Variants in C6orf62 observed in about 807,000 individuals in gnomAD.
The protein encoded by C6orf62 is uncharacterized protein C6orf62.
Under a neutral mutation model 26.8 loss-of-function variants are expected in C6orf62, and 16 were observed. That is an observed-to-expected ratio of 0.60 (90% CI 0.40 to 0.91). The LOEUF is 0.91. Ranked by LOEUF, C6orf62 falls within the 40% of genes least tolerant of loss-of-function variation. The pLI is 0.00. For missense variants in C6orf62, 192 were observed against 271.4 expected (o/e 0.71, Z 2.06); for synonymous variants, 112 against 91.5 (o/e 1.22, Z -1.28).
upstream of C6orf62, chr6:24,719,722 G>T: frequency 6.6e-7 from 1 of 1,514,324 alleles, no homozygotes; most frequent in South Asian, 1.3e-5. Context: ...TGGGGAGTGC[G>T]ATTTATCTTC....
At chr6:24,720,515 A>C, upstream of C6orf62, 3 of 454,962 alleles carry the variant, frequency 6.6e-6, no homozygotes, top group Non-Finnish European at 8.9e-6. Context: ...GAAAAAGAAA[A>C]AGAGGAAAAA....
chr6:24,705,462 A>G lies in C6orf62; in HGVS notation c.*675T>C, dbSNP rs1778989365. 6.6e-6 allele frequency: 1 copy of G among 152,644 alleles called. No individual in the cohort carries two copies. The highest frequency in any genetic ancestry group is 1.5e-5 in the Non-Finnish European group (1 of 68,052). The allele number at this position is 152,644 out of a possible 1,614,324, so 9.5% of individuals were successfully genotyped here. On this transcript the variant is annotated 3_prime_UTR_variant, in exon 5 of 5. Transcript: ENST00000378119. ...TGCTTTAATGTGTATAACTGCATCC[A>G]CACGCAGCAGAATACTCTTACAATA...
At chr6:24,719,464 T>C (rs1358796021), upstream of C6orf62, 4 of 1,087,764 alleles carry the variant, frequency 3.7e-6, no homozygotes, top group South Asian at 7.7e-5. Flanking sequence ...AAAGGAGCCA[T>C]GAGAAAAAAC....
At chr6:24,720,153 G>A (rs1218999608), upstream of C6orf62, 6 of 1,363,880 alleles carry the variant, frequency 4.4e-6, no homozygotes, top group South Asian at 3.6e-5. Flanking sequence ...AATTGAGGCA[G>A]CTAGGGCGGG....
chr6:24,707,390 G>A (rs991068305), intron 4 of C6orf62, among the ~76,000 whole-genome samples: 22 of 150,046 alleles, frequency 1.5e-4, no homozygotes, highest in African/African-American at 2.2e-4. Flanking sequence ...ATGGGGTCTC[G>A]CTGCATTACT....
upstream of C6orf62, chr6:24,719,165 A>AG: frequency 1.0e-6 from 1 of 986,462 alleles, no homozygotes; most frequent in Non-Finnish European, 1.2e-6. Context: ...CAAAAAAAAA[A>AG]AAAAAAAAAA....
upstream of C6orf62, chr6:24,720,468 G>T: frequency 1.1e-6 from 1 of 949,788 alleles, no homozygotes; most frequent in Non-Finnish European, 1.3e-6. Context: ...GGGCGGCAAC[G>T]GAGGGGAAGG....
chr6:24,707,162 ATTAG>A (rs778845961), intron 4 of C6orf62: 14 of 152,352 alleles, frequency 9.2e-5, no homozygotes, highest in African/African-American at 2.2e-4. Flanking sequence ...CTTTACTTGT[ATTAG>A]TTAATTTTAA....
rs111465377 is a variant in C6orf62 at position 24,718,624 on chromosome 6, T to C, written c.45A>G (p.Leu15=). 7,212 of 1,614,088 alleles carry C rather than the reference T, an allele frequency of 4.5e-3. 34 individuals are homozygous for C. The highest frequency in any genetic ancestry group is 4.4e-3 in the Non-Finnish European group (5,181 of 1,179,996). Residue 15 remains leucine, a synonymous_variant, in exon 1 of 5, where the codon CTA becomes CTG. Coordinates refer to ENST00000378119, the MANE Select transcript of C6orf62 (RefSeq NM_030939.5). ...NSRKKQALNR[L]RAQLRKKKES... is the part of the protein sequence containing the mutation. Reference sequence around the variant, plus strand: ...CTTTTTTCTTTCTAAGCTGAGCACGTAGTCTGTTCAGAGCTTGTTTCTTCC... The same window carrying C: ...CTTTTTTCTTTCTAAGCTGAGCACGCAGTCTGTTCAGAGCTTGTTTCTTCC...
At chr6:24,712,503 TACTAAAAATACA>T (rs1316226376) in intron 3 of C6orf62, among the ~76,000 whole-genome samples, 2 of 152,036 alleles carry the variant, frequency 1.3e-5, no homozygotes, top group Admixed American at 6.6e-5. Context: ...AACCCGTCTC[TACTAAAAATACA>T]AAAATTAGCT....
At chr6:24,709,226 C>T (rs376103258) in intron 3 of C6orf62, 1 of 984,698 alleles carries the variant, frequency 1.0e-6, no homozygotes, top group African/African-American at 1.7e-5. Flanking sequence ...TTCTATTGGA[C>T]AGTACACTCC....
upstream of C6orf62, chr6:24,720,323 G>A (rs1315449722): frequency 2.1e-5 from 27 of 1,288,240 alleles, no homozygotes; most frequent in Admixed American, 2.7e-4. Context: ...AGCACGGGCA[G>A]GAGCCATGTC....
At chr6:24,707,278 G>C (rs1193238042) in intron 4 of C6orf62, 2 of 152,094 alleles carry the variant, frequency 1.3e-5, no homozygotes, top group Non-Finnish European at 2.9e-5. Context: ...AGATCATACA[G>C]CCAGCAAGTG....
At chr6:24,710,244 T>C in intron 3 of C6orf62, 3 of 985,026 alleles carry the variant, frequency 3.0e-6, no homozygotes, top group Non-Finnish European at 3.6e-6. Flanking sequence ...CAGAATAAGA[T>C]GTGGTTATCT....
chr6:24,714,453 T>TTA lies in C6orf62; in HGVS notation c.307-14_307-13insTA. 2 of 1,360,722 alleles carry TTA rather than the reference T, an allele frequency of 1.5e-6. No homozygotes were observed. Among genetic ancestry groups the TTA allele is most frequent in the Non-Finnish European group, 9.9e-7 (1 of 1,013,148 alleles). 84.3% of individuals were successfully genotyped at this position (1,360,722 alleles called of 1,614,324 possible). On this transcript the variant is annotated splice_polypyrimidine_tract_variant and intron_variant, in intron 2 of 4. Transcript: ENST00000378119. ...AGCCAATTACATCCTATAAAATGAT[T>TTA]AAAAAAAAAAAAGTTTACTTTTAAA...
chr6:24,709,133 C>T (rs1779071505), intron 3 of C6orf62: 1 of 971,920 alleles, frequency 1.0e-6, no homozygotes, highest in African/African-American at 1.8e-5. Flanking sequence ...AGCCACATTT[C>T]AAATGCTCAA....
chr6:24,716,537 T>C lies in C6orf62; in HGVS notation c.130-213A>G, dbSNP rs150437103. Reference sequence around the variant, plus strand: ...ACATGTACAAACTGTCATTAGAATGTTTAATGCTTGAGTTTTATAGCATAA... The same window carrying C: ...ACATGTACAAACTGTCATTAGAATGCTTAATGCTTGAGTTTTATAGCATAA... On this transcript the variant is annotated intron_variant, in intron 1 of 4. Coordinates refer to ENST00000378119, the MANE Select transcript of C6orf62 (RefSeq NM_030939.5). Among the ~76,000 whole-genome samples, 1,463 of 152,294 alleles carry C rather than the reference T, an allele frequency of 9.6e-3. 30 individuals carry two copies. Among genetic ancestry groups the C allele is most frequent in the African/African-American group, 0.033 (1,373 of 41,554 alleles).
At chr6:24,715,125 T>C (rs9379686) in intron 2 of C6orf62, among the ~76,000 whole-genome samples, 10,660 of 152,308 alleles carry the variant, frequency 0.07, 1,251 homozygotes, top group East Asian at 0.47. Context: ...ATCACTATCC[T>C]ATTATAGCTG....
intron 1 of C6orf62, among the ~76,000 whole-genome samples, chr6:24,716,926 T>C (rs1415394871): frequency 6.6e-6 from 1 of 152,018 alleles, no homozygotes; most frequent in Non-Finnish European, 1.5e-5. Context: ...GTTTCACCAT[T>C]TGGCCAGGCT....
Sources: gnomAD v4.1 joint callset for allele counts (sites outside exome capture counted in the v4.1 genomes callset) on GRCh38, gnomAD v4.1.1 for gene constraint, MANE v1.5 for transcripts, NCBI Gene and HGNC (gene_info 2026-07-23, HGNC 2026-07-21) for gene names.